Variants in ANO1 observed in about 807,000 individuals in gnomAD.
ANO1 encodes anoctamin 1.
In ANO1, 59 loss-of-function variants were observed where a neutral mutation model predicts 124.0. That is an observed-to-expected ratio of 0.48 (90% CI 0.39 to 0.59). ANO1 has a LOEUF of 0.59. ANO1 is among the 20% of genes least tolerant of loss of function. ANO1 has a pLI of 0.00. For missense variants in ANO1, 1,059 were observed against 1,328.0 expected, an observed-to-expected ratio of 0.80 and a Z score of 3.15; for synonymous variants, 529 against 532.0, an observed-to-expected ratio of 0.99 and a Z score of 0.08.
intron 1 of ANO1, among the ~76,000 whole-genome samples, chr11:70,008,583 T>G (rs779969774): frequency 6.6e-6 from 1 of 152,144 alleles, no homozygotes; most frequent in Non-Finnish European, 1.5e-5. Context: ...GGCTCTCTGT[T>G]CTGTTCCATT....
At chr11:70,089,822 G>A (rs952107168) in intron 2 of ANO1, among the ~76,000 whole-genome samples, 2 of 152,174 alleles carry the variant, frequency 1.3e-5, no homozygotes, top group African/African-American at 4.8e-5. Context: ...GTGGCTTTCA[G>A]AACAATGCGG....
chr11:70,158,390 T>G (rs1434152545), intron 16 of ANO1, among the ~76,000 whole-genome samples: 1 of 152,260 alleles, frequency 6.6e-6, no homozygotes, highest in African/African-American at 2.4e-5. Flanking sequence ...GTCCTGGTAC[T>G]GGAGCCCAGG....
intron 2 of ANO1, among the ~76,000 whole-genome samples, chr11:70,093,950 A>T (rs1042817841): frequency 6.6e-6 from 1 of 152,176 alleles, no homozygotes; most frequent in Non-Finnish European, 1.5e-5. Flanking sequence ...TGGCTGAGCA[A>T]CCCTGGGCAA....
In ANO1 at chr11:70,010,179, G is replaced by GTGTGTGTATATATATATATATA; in HGVS notation, c.58+24014_58+24015insGTGTGTATATATATATATATAT. 2.3e-3 allele frequency among the ~76,000 whole-genome samples: 194 copies of GTGTGTGTATATATATATATATA among 83,772 alleles called. 7 individuals carry two copies. The highest frequency in any genetic ancestry group is 5.8e-3 in the East Asian group (10 of 1,738). 55.0% of individuals were successfully genotyped at this position (83,772 alleles called of 152,430 possible). A position where few individuals can be genotyped will look rare whatever the true frequency, so the allele number is the denominator to read the frequency against. ...TGTGTGTGTGTGCGCGTGTGTGTGT[G>GTGTGTGTATATATATATATATA]TATATATATATATATATATCACATT... is the stretch of plus-strand genomic sequence containing the variant. On this transcript the variant is annotated intron_variant, in intron 1 of 27. Transcript: ENST00000531349.
chr11:70,094,901 A>G (rs1043928729), intron 2 of ANO1, among the ~76,000 whole-genome samples: 2 of 152,204 alleles, frequency 1.3e-5, no homozygotes, highest in African/African-American at 4.8e-5. Context: ...TCATGGAAAC[A>G]TATTTCTTTT....
At chr11:70,027,593 C>G (rs1856930224) in intron 1 of ANO1, among the ~76,000 whole-genome samples, 1 of 152,248 alleles carries the variant, frequency 6.6e-6, no homozygotes, top group Non-Finnish European at 1.5e-5. Flanking sequence ...TGTTTTCCCC[C>G]AGCATGTGGA....
In ANO1 at chr11:70,107,556, G is replaced by A. The variant is rs1326779671; in HGVS notation, c.748-797G>A. The stretch of plus-strand genomic sequence containing the variant: ...AACTGGAAGGACGCTGGCCTTGCCT[G>A]AGAGAGTGGAGGCAGAATTGGCATG... On this transcript the variant is annotated intron_variant, in intron 5 of 25. Coordinates refer to ENST00000355303, the MANE Select transcript of ANO1 (RefSeq NM_018043.7). Among the ~76,000 whole-genome samples, 6 of 150,028 alleles carry A rather than the reference G, an allele frequency of 4.0e-5. No homozygotes were observed. The Admixed American group carries it at 4.0e-4, about 10-fold the overall frequency.
the ANO1 span, among the ~76,000 whole-genome samples, chr11:69,968,695 G>A: frequency 6.6e-6 from 1 of 152,190 alleles, no homozygotes; most frequent in African/African-American, 2.4e-5. Context: ...CTTCCCAGCT[G>A]GTCTGAGCCA....
chr11:70,167,660 A>G (rs1311839839), intron 21 of ANO1, among the ~76,000 whole-genome samples: 1 of 118,188 alleles, frequency 8.5e-6, no homozygotes, highest in Non-Finnish European at 2.0e-5. Flanking sequence ...GTCCCCAAGC[A>G]TGGTCCCCAG....
At chr11:70,137,789 G>A (rs956799509) in intron 11 of ANO1, among the ~76,000 whole-genome samples, 2 of 147,268 alleles carry the variant, frequency 1.4e-5, no homozygotes, top group Non-Finnish European at 3.0e-5. Flanking sequence ...TCCCAGGTTC[G>A]CATCTGTAGA....
intron 14 of ANO1, among the ~76,000 whole-genome samples, chr11:70,154,882 A>G (rs2047746362): frequency 6.6e-6 from 1 of 152,226 alleles, no homozygotes; most frequent in Non-Finnish European, 1.5e-5. Flanking sequence ...GACTTAACAC[A>G]TCGGATGTGC....
intron 1 of ANO1, among the ~76,000 whole-genome samples, chr11:70,040,882 A>G (rs1857172561): frequency 1.3e-5 from 2 of 152,204 alleles, no homozygotes; most frequent in Admixed American, 1.3e-4. Context: ...CAGAACTTAG[A>G]AGAAAAGGTG....
intron 22 of ANO1, among the ~76,000 whole-genome samples, chr11:70,176,827 T>TA (rs1286569933): frequency 6.6e-6 from 1 of 152,156 alleles, no homozygotes; most frequent in Admixed American, 6.5e-5. Flanking sequence ...CAGAGATCCT[T>TA]AGAGCAGTGA....
intron 5 of ANO1, among the ~76,000 whole-genome samples, 152 bp downstream of exon 5, chr11:70,105,940 C>T (rs147598805): frequency 2.4e-3 from 371 of 151,974 alleles, no homozygotes; most frequent in Middle Eastern, 6.8e-3. Flanking sequence ...GAGAGGGCAA[C>T]GAGGGGCCCA....
intron 2 of ANO1, among the ~76,000 whole-genome samples, chr11:70,102,698 T>C (rs1466259611): frequency 1.3e-5 from 2 of 152,170 alleles, no homozygotes; most frequent in African/African-American, 4.8e-5. Flanking sequence ...GGGCCTGGGC[T>C]CTGCATCCTG....
chr11:70,135,895 G>T (rs1042286114), intron 11 of ANO1, among the ~76,000 whole-genome samples: 3 of 152,334 alleles, frequency 2.0e-5, no homozygotes, highest in Admixed American at 6.5e-5. Context: ...TGGCATTCTG[G>T]TCACTGCAAA....
At chr11:70,055,343 T>C (rs2135092730) in intron 1 of ANO1, among the ~76,000 whole-genome samples, 1 of 152,244 alleles carries the variant, frequency 6.6e-6, no homozygotes, top group Non-Finnish European at 1.5e-5. Flanking sequence ...TCTGTCAGTT[T>C]TGGGTTTATG....
chr11:70,182,790 C>A (rs2048978169), intron 24 of ANO1, 104 bp downstream of exon 24: 3 of 1,028,708 alleles, frequency 2.9e-6, no homozygotes, highest in Non-Finnish European at 2.6e-6. Flanking sequence ...TGAAACAACG[C>A]AAACTTGCTT....
intron 1 of ANO1, among the ~76,000 whole-genome samples, chr11:70,009,534 G>C (rs1856552021): frequency 6.6e-6 from 1 of 152,192 alleles, no homozygotes; most frequent in Admixed American, 6.5e-5. Flanking sequence ...AGGATTTTGA[G>C]AAGCTTTTTG....
Sources: gnomAD v4.1 joint callset for allele counts (sites outside exome capture counted in the v4.1 genomes callset) on GRCh38, gnomAD v4.1.1 for gene constraint, MANE v1.5 for transcripts, NCBI Gene and HGNC (gene_info 2026-07-23, HGNC 2026-07-21) for gene names.